PIP5K1C: variants seen among roughly 807,000 people sequenced by gnomAD.
PIP5K1C encodes phosphatidylinositol-4-phosphate 5-kinase type 1 gamma.
A neutral mutation model predicts 80.1 loss-of-function variants in PIP5K1C; 45 were observed. That is an observed-to-expected ratio of 0.56 (90% CI 0.44 to 0.72). The LOEUF (loss-of-function observed/expected upper bound fraction) is 0.72. Among genes scored for constraint, PIP5K1C ranks in the 30% least tolerant of loss-of-function variants. PIP5K1C has a pLI of 0.00. For missense variants in PIP5K1C, 753 were observed against 954.6 expected (o/e 0.79, Z 2.78); for synonymous variants, 498 against 420.1 (o/e 1.19, Z -2.27).
At chr19:3,697,934 G>A (rs1292418357) in intron 1 of PIP5K1C, among the ~76,000 whole-genome samples, 1 of 152,246 alleles carries the variant, frequency 6.6e-6, no homozygotes, top group Non-Finnish European at 1.5e-5. Context: ...CGGGAGCCAG[G>A]AGCCCAGGCA....
intron 1 of PIP5K1C, among the ~76,000 whole-genome samples, chr19:3,683,915 G>A (rs1402819560): frequency 2.0e-4 from 9 of 45,018 alleles, no homozygotes; most frequent in Admixed American, 9.4e-4. Context: ...TTCCCCTCCC[G>A]GGCAGTCCCA....
At chr19:3,660,882 C>T in intron 5 of PIP5K1C, 84 bp downstream of exon 5, 3 of 1,126,892 alleles carry the variant, frequency 2.7e-6, no homozygotes, top group Non-Finnish European at 4.0e-6. Context: ...GAGGCTGCCC[C>T]CAAATGCCTG....
chr19:3,673,206 T>C (rs75394214), intron 1 of PIP5K1C, among the ~76,000 whole-genome samples: 1 of 152,250 alleles, frequency 6.6e-6, no homozygotes, highest in East Asian at 1.9e-4. Flanking sequence ...CCCTGTGTCA[T>C]GGCCTTTGCA....
chr19:3,656,317 T>G, intron 6 of PIP5K1C, 88 bp downstream of exon 6: 1 of 1,491,924 alleles, frequency 6.7e-7, no homozygotes, highest in Non-Finnish European at 9.3e-7. Flanking sequence ...GATGCCTGCT[T>G]GCCCAAGCCT....
chr19:3,684,015 G>A (rs1170154249), intron 1 of PIP5K1C, among the ~76,000 whole-genome samples: 1 of 149,598 alleles, frequency 6.7e-6, no homozygotes, highest in African/African-American at 2.5e-5. Context: ...GACCAGTGCT[G>A]ACTCTGTCTC....
rs373864318 is a variant in PIP5K1C at position 3,657,610 on chromosome 19, G to C, written c.469-1053C>G. 2.0e-4 allele frequency among the ~76,000 whole-genome samples: 31 copies of C among 152,226 alleles called. 1 individual carries two copies. In the East Asian group the frequency reaches 4.6e-3, roughly 23 times the overall value. On this transcript the variant is annotated intron_variant, in intron 5 of 17. Transcript: ENST00000335312. ...AAACAGGTGGGGGGTGTCCACGAGA[G>C]TCAGGAGTGGTGGCGAGCAGAAGCG... is the stretch of plus-strand genomic sequence containing the variant.
chr19:3,645,859 T>G, intron 11 of PIP5K1C, 115 bp downstream of exon 11: 4 of 813,836 alleles, frequency 4.9e-6, no homozygotes, highest in Non-Finnish European at 8.9e-6. Context: ...ACAGGGGCTC[T>G]GAGTTTACTG....
At chr19:3,647,479 T>C in intron 9 of PIP5K1C, 93 bp from the exon 10 acceptor site, 1 of 1,091,538 alleles carries the variant, frequency 9.2e-7, no homozygotes, top group South Asian at 1.3e-5. Context: ...CCCAGGACAC[T>C]GGGCCATGGC....
chr19:3,694,075 A>C (rs2036028386), intron 1 of PIP5K1C, among the ~76,000 whole-genome samples: 1 of 151,876 alleles, frequency 6.6e-6, no homozygotes, highest in Non-Finnish European at 1.5e-5. Flanking sequence ...AGCCGGGCGT[A>C]GTGGCGGACG....
chr19:3,696,434 C>T lies in PIP5K1C; in HGVS notation c.94+3863G>A, dbSNP rs1009935138. Among the ~76,000 whole-genome samples the T allele has an allele frequency of 6.6e-6, 1 of 152,128 alleles. No homozygotes were observed. The highest frequency in any genetic ancestry group is 1.5e-5 in the Non-Finnish European group (1 of 68,024). On this transcript the variant is annotated intron_variant, in intron 1 of 17. Transcript: ENST00000335312. The surrounding 1 kb of genome is among the most constrained non-coding windows in gnomAD (Gnocchi z 4.1). Reference sequence around the variant, plus strand: ...GCCATATGTTTCAGGTGGTGACAAACGCTATGGTGGCACAATCAGGGAAGA... The same window carrying T: ...GCCATATGTTTCAGGTGGTGACAAATGCTATGGTGGCACAATCAGGGAAGA...
intron 1 of PIP5K1C, among the ~76,000 whole-genome samples, chr19:3,674,972 A>G (rs1315624140): frequency 1.3e-5 from 2 of 152,154 alleles, no homozygotes; most frequent in Non-Finnish European, 2.9e-5. Context: ...AAGACGTCAC[A>G]CTCAGTGAGA....
intron 3 of PIP5K1C, among the ~76,000 whole-genome samples, 192 bp from the exon 4 acceptor site, chr19:3,662,193 G>A (rs2034856589): frequency 6.6e-6 from 1 of 152,204 alleles, no homozygotes; most frequent in African/African-American, 2.4e-5. Flanking sequence ...GGGGGATGAA[G>A]CCACCCTCCC....
chr19:3,651,689 C>A, intron 8 of PIP5K1C, 137 bp downstream of exon 8: 1 of 879,806 alleles, frequency 1.1e-6, no homozygotes. Context: ...TGGCACAAGG[C>A]TCCCAGACTC....
chr19:3,648,814 G>A lies in PIP5K1C; in HGVS notation c.1128-106C>T. On this transcript the variant is annotated intron_variant, in intron 8 of 17. Transcript: ENST00000335312. The surrounding 1 kb of genome is among the most constrained non-coding windows in gnomAD (Gnocchi z 4.3). ...AGGGAGTCCATCTGCTCCTGTGGGTGGCAACTTGGCCAAGCTCTCGGAGTG... is the reference window on the plus strand; with the variant it reads ...AGGGAGTCCATCTGCTCCTGTGGGTAGCAACTTGGCCAAGCTCTCGGAGTG... 1.1e-6 allele frequency: 1 copy of A among 921,642 alleles called. No homozygotes were observed. Among genetic ancestry groups the A allele is most frequent in the Admixed American group, 2.0e-5 (1 of 50,544 alleles). 57.1% of individuals were successfully genotyped at this position (921,642 alleles called of 1,614,324 possible). A position where few individuals can be genotyped will look rare whatever the true frequency, so the allele number is the denominator to read the frequency against.
At chr19:3,699,485 C>A (rs981111462) in intron 1 of PIP5K1C, among the ~76,000 whole-genome samples, 5 of 152,142 alleles carry the variant, frequency 3.3e-5, no homozygotes, top group Non-Finnish European at 7.4e-5. Flanking sequence ...GGACGGATGC[C>A]CGTGTGGGTG....
rs1042059905 is a variant in PIP5K1C, at chr19:3,644,960, C to T, written c.1346-709G>A. Among the ~76,000 whole-genome samples, 6 of 152,370 alleles carry T rather than the reference C, an allele frequency of 3.9e-5. No homozygotes were observed. In the East Asian group the frequency reaches 7.7e-4, roughly 20 times the overall value. On this transcript the variant is annotated intron_variant, in intron 11 of 17. Coordinates refer to ENST00000335312, the MANE Select transcript of PIP5K1C (RefSeq NM_012398.3). ...AAGGCTGGCAAACAGCCCTGGATGA[C>T]GGAATGATCCTGTGGCATCGGTCCC...
intron 16 of PIP5K1C, among the ~76,000 whole-genome samples, chr19:3,633,849 C>T (rs898507015): frequency 4.6e-5 from 7 of 152,086 alleles, no homozygotes; most frequent in South Asian, 4.1e-4. Flanking sequence ...GAGTGTTCCT[C>T]CTCCTCCTCC....
At chr19:3,689,243 G>A (rs929998323) in intron 1 of PIP5K1C, among the ~76,000 whole-genome samples, 10 of 152,076 alleles carry the variant, frequency 6.6e-5, no homozygotes, top group East Asian at 3.9e-4. Flanking sequence ...GTCACGTATC[G>A]ACTGGCTGAT....
In PIP5K1C at chr19:3,648,538, AC is replaced by A; in HGVS notation, c.1211+86del. Reference sequence around the variant, plus strand: ...TGTGGGGCTGCAGACCCGGGCGCCCACCTGTGGGGCTGCAGACCCGGGCGCC... The same window carrying A: ...TGTGGGGCTGCAGACCCGGGCGCCCACTGTGGGGCTGCAGACCCGGGCGCC... On this transcript the variant is annotated intron_variant, in intron 9 of 17. Transcript: ENST00000335312. This position sits in a 1 kb window ranked among gnomAD's most constrained non-coding sequence, Gnocchi z 4.3. 9.6e-7 allele frequency: 1 copy of A among 1,043,072 alleles called. No individual in the cohort carries two copies. The highest frequency in any genetic ancestry group is 1.5e-5 in the African/African-American group (1 of 66,100). The allele number at this position is 1,043,072 out of a possible 1,614,324, so 64.6% of individuals were successfully genotyped here.
Sources: allele counts gnomAD v4.1 joint callset (sites outside exome capture counted in the v4.1 genomes callset), GRCh38; gene constraint gnomAD v4.1.1; non-coding constraint Gnocchi (gnomAD v3.1); transcripts MANE v1.5; gene names NCBI Gene and HGNC (gene_info 2026-07-23, HGNC 2026-07-21).